Variants in CFAP46 observed in about 807,000 individuals in gnomAD.
CFAP46 encodes the protein cilia- and flagella-associated protein 46.
In CFAP46, 245 loss-of-function variants were observed where a neutral mutation model predicts 325.7. That is an observed-to-expected ratio of 0.75 (90% CI 0.68 to 0.84). The LOEUF (loss-of-function observed/expected upper bound fraction) is 0.84. CFAP46 is among the 40% of genes least tolerant of loss of function. The probability of loss-of-function intolerance (pLI) is 0.00; values close to 1 mark genes in which losing one functional copy is unlikely to be tolerated. For missense variants in CFAP46, 3,346 were observed against 3,543.0 expected, an observed-to-expected ratio of 0.94 and a Z score of 1.41; for synonymous variants, 1,523 against 1,495.9, an observed-to-expected ratio of 1.02 and a Z score of -0.42.
chr10:132,872,926 C>T (rs560452415), intron 31 of CFAP46, 102 bp from the exon 32 acceptor site: 3 of 1,323,584 alleles, frequency 2.3e-6, no homozygotes, highest in South Asian at 2.8e-5. Context: ...CATGCCAGCA[C>T]ATGTCTGCAC....
chr10:132,816,363 G>A (rs1400042181), intron 50 of CFAP46, among the ~76,000 whole-genome samples: 2 of 132,594 alleles, frequency 1.5e-5, no homozygotes. Flanking sequence ...ACGGAGTCTC[G>A]CTCTGTCGCC....
chr10:132,892,428 G>A lies in CFAP46; in HGVS notation c.3220-11C>T, dbSNP rs116933638. 358 of 1,550,150 alleles carry A rather than the reference G, an allele frequency of 2.3e-4. 2 individuals are homozygous for A. In the East Asian group the frequency reaches 7.5e-3, roughly 33 times the overall value. On this transcript the variant is annotated splice_polypyrimidine_tract_variant and intron_variant, in intron 24 of 57. Coordinates refer to ENST00000368586, the MANE Select transcript of CFAP46 (RefSeq NM_001200049.3). ...CGTCTTTCCTTTCTCCTAAAGTAACGCAAGTAAACGACACGTATATTTGAA... is the reference window on the plus strand; with the variant it reads ...CGTCTTTCCTTTCTCCTAAAGTAACACAAGTAAACGACACGTATATTTGAA...
In CFAP46 at chr10:132,835,401, G is replaced by A. The variant is rs1848224409; in HGVS notation, c.6647C>T (p.Pro2216Leu). 6.2e-7 allele frequency: 1 copy of A among 1,613,472 alleles called. No homozygotes were observed. Among genetic ancestry groups the A allele is most frequent in the East Asian group, 2.2e-5 (1 of 44,878 alleles). Residue 2216 changes from proline to leucine, a missense_variant, in exon 47 of 58, where the codon CCC (proline) becomes CTC (leucine). Coordinates refer to ENST00000368586, the MANE Select transcript of CFAP46 (RefSeq NM_001200049.3). The stretch of plus-strand genomic sequence containing the variant: ...GGCCAGCAGGTGGGAGAAGGCAGTG[G>A]GACTTATGGCCAGACGCATCACCTT... The part of the protein sequence containing the change: ...SCKVMRLAIS[P>L]TAFSHLLACA...
intron 17 of CFAP46, among the ~76,000 whole-genome samples, chr10:132,915,679 AC>A (rs1206453101): frequency 1.3e-5 from 2 of 152,176 alleles, no homozygotes; most frequent in African/African-American, 4.8e-5. Context: ...AGTCGGGGAC[AC>A]CCGAGCTTAC....
At chr10:132,809,368 G>T (rs938398251) in intron 57 of CFAP46, among the ~76,000 whole-genome samples, 6 of 152,214 alleles carry the variant, frequency 3.9e-5, no homozygotes, top group Admixed American at 3.9e-4. Flanking sequence ...CCCCAGCAGG[G>T]CATCGTGTGG....
intron 8 of CFAP46, among the ~76,000 whole-genome samples, chr10:132,933,852 T>C (rs1325455266): frequency 1.3e-5 from 2 of 152,206 alleles, no homozygotes; most frequent in Admixed American, 6.5e-5. Flanking sequence ...GGGGGACCCC[T>C]TCCCCAGTCC....
intron 17 of CFAP46, 107 bp downstream of exon 17, chr10:132,916,442 G>A: frequency 2.4e-6 from 3 of 1,243,596 alleles, no homozygotes; most frequent in Non-Finnish European, 3.2e-6. Flanking sequence ...AGAAGCCGGT[G>A]TCCTTACGAA....
At chr10:132,929,533 A>G (rs1174546075) in intron 9 of CFAP46, 172 bp downstream of exon 9, 1 of 791,020 alleles carries the variant, frequency 1.3e-6, no homozygotes, top group Non-Finnish European at 2.3e-6. Context: ...TGCAAACACC[A>G]TCTAACTGCA....
rs1290001535 is a variant in CFAP46, at chr10:132,889,851, C to T, written c.3304+2482G>A. Among the ~76,000 whole-genome samples the T allele has an allele frequency of 2.0e-5, 3 of 152,288 alleles. No individual in the cohort carries two copies. Among genetic ancestry groups the T allele is most frequent in the East Asian group, 1.9e-4 (1 of 5,176 alleles). On this transcript the variant is annotated intron_variant, in intron 25 of 57. Coordinates refer to ENST00000368586, the MANE Select transcript of CFAP46 (RefSeq NM_001200049.3). This position sits in a 1 kb window ranked among gnomAD's most constrained non-coding sequence, Gnocchi z 6.0. ...TTTCCACAGCACAGCATGGCCGTCCCGCCTGATTAAAGTATTGATGCGGCC... is the reference window on the plus strand; with the variant it reads ...TTTCCACAGCACAGCATGGCCGTCCTGCCTGATTAAAGTATTGATGCGGCC...
At chr10:132,933,054 C>T (rs1252334761) in intron 8 of CFAP46, among the ~76,000 whole-genome samples, 1 of 152,240 alleles carries the variant, frequency 6.6e-6, no homozygotes, top group Non-Finnish European at 1.5e-5. Flanking sequence ...TAATCACAGT[C>T]TTACCGGGAA....
intron 24 of CFAP46, chr10:132,898,605 CA>C: frequency 5.4e-6 from 2 of 367,210 alleles, no homozygotes; most frequent in Non-Finnish European, 5.3e-6. Context: ...TTCTCAGGGC[CA>C]CCCTCTCTCA....
chr10:132,933,923 G>A (rs527600164), intron 8 of CFAP46, among the ~76,000 whole-genome samples: 1 of 152,084 alleles, frequency 6.6e-6, no homozygotes, highest in Non-Finnish European at 1.5e-5. Context: ...CCAGGTTCCC[G>A]TCCCACAGAC....
chr10:132,890,611 G>A (rs949833541), intron 25 of CFAP46, among the ~76,000 whole-genome samples: 10 of 152,172 alleles, frequency 6.6e-5, no homozygotes, highest in African/African-American at 2.4e-4. Context: ...CCACACTTCC[G>A]TCCTCTCCAA....
At chr10:132,846,794 G>A (rs909799639) in intron 43 of CFAP46, 138 bp downstream of exon 43, 1 of 1,073,028 alleles carries the variant, frequency 9.3e-7, no homozygotes, top group African/African-American at 1.6e-5. Flanking sequence ...TGGCCGGCAG[G>A]CTCCCACTGC....
intron 8 of CFAP46, among the ~76,000 whole-genome samples, chr10:132,932,248 C>A (rs1462794759): frequency 6.8e-6 from 1 of 147,946 alleles, no homozygotes; most frequent in Non-Finnish European, 1.5e-5. Flanking sequence ...AGAGCCTGGG[C>A]CTTCCTCCTC....
rs1364838946 is a variant in CFAP46, at chr10:132,934,778, C to T, written c.840G>A (p.Gln280=). The T allele has an allele frequency of 6.2e-7, 1 of 1,609,620 alleles. No individual in the cohort carries two copies. The highest frequency in any genetic ancestry group is 1.1e-5 in the South Asian group (1 of 90,972). The change falls in exon 8 of 58, where the codon CAG becomes CAA. Residue 280 remains glutamine (Q), a synonymous_variant. Coordinates refer to ENST00000368586, the MANE Select transcript of CFAP46 (RefSeq NM_001200049.3). ...TTTCTTCACTGATAGAGGGAAAGCG[C>T]TGGTGGTTGTAATGACCTAAGTGTC... ...AYRHLGHYNH[Q]RFPSISEEKM...
At chr10:132,925,771 G>A (rs1055649254) in intron 10 of CFAP46, among the ~76,000 whole-genome samples, 4 of 152,260 alleles carry the variant, frequency 2.6e-5, no homozygotes, top group African/African-American at 7.2e-5. Flanking sequence ...CAGGCAGTGC[G>A]GGCTGAGGAT....
In CFAP46 at chr10:132,859,090, C is replaced by G. The variant is rs778582134; in HGVS notation, c.5356G>C (p.Glu1786Gln). The change falls in exon 38 of 58, where the codon GAG (glutamate) becomes CAG (glutamine). Residue 1786 changes from glutamate (E) to glutamine (Q), a missense_variant. Coordinates refer to ENST00000368586, the MANE Select transcript of CFAP46 (RefSeq NM_001200049.3). ...CCTTACCTCTTGATCTTCGCACGCT[C>G]TAGTTTTACGTCAACACAATTCTCT... is the stretch of plus-strand genomic sequence containing the variant. Reference protein sequence around the residue: ...CKENCVDVKLERAKIKRLRAQ... With the variant: ...CKENCVDVKLQRAKIKRLRAQ... 2 of 1,550,932 alleles carry G rather than the reference C, an allele frequency of 1.3e-6. No individual in the cohort carries two copies. The highest frequency in any genetic ancestry group is 1.2e-5 in the South Asian group (1 of 84,060).
intron 50 of CFAP46, among the ~76,000 whole-genome samples, chr10:132,818,550 G>A (rs533370052): frequency 1.3e-5 from 2 of 151,956 alleles, no homozygotes; most frequent in African/African-American, 2.4e-5. Flanking sequence ...CAGAGCAGTC[G>A]GGAAAGAAAG....
Sources: allele counts gnomAD v4.1 joint callset (sites outside exome capture counted in the v4.1 genomes callset), GRCh38; gene constraint gnomAD v4.1.1; non-coding constraint Gnocchi (gnomAD v3.1); transcripts MANE v1.5; gene names NCBI Gene and HGNC (gene_info 2026-07-23, HGNC 2026-07-21).